TENM2: variants seen among roughly 807,000 people sequenced by gnomAD.
TENM2 encodes the protein teneurin-2.
TENM2 carries 52 observed loss-of-function variants against 245.2 expected under a neutral mutation model. The observed-to-expected ratio is 0.21, with a 90% CI of 0.17 to 0.27. The LOEUF is 0.27. Among genes scored for constraint, TENM2 ranks in the 10% least tolerant of loss-of-function variants. The probability of loss-of-function intolerance (pLI) is 1.00; values close to 1 mark genes in which losing one functional copy is unlikely to be tolerated. For missense variants in TENM2, 3,046 were observed against 3,666.8 expected (o/e 0.83, Z 4.37); for synonymous variants, 1,363 against 1,438.9 (o/e 0.95, Z 1.19).
intron 2 of TENM2, among the ~76,000 whole-genome samples, chr5:167,447,750 A>G (rs572087371): frequency 3.0e-4 from 46 of 152,324 alleles, no homozygotes; most frequent in Non-Finnish European, 4.4e-4. Flanking sequence ...TCTCTACTAA[A>G]CAGTTAATGT....
At chr5:167,280,988 G>A (rs1296739896), upstream of TENM2, among the ~76,000 whole-genome samples, 2 of 151,890 alleles carry the variant, frequency 1.3e-5, no homozygotes, top group Non-Finnish European at 2.9e-5. Context: ...AGGGAAAATA[G>A]GGAAAAGTAT....
At chr5:167,050,086 C>G in the TENM2 span, among the ~76,000 whole-genome samples, 2 of 152,248 alleles carry the variant, frequency 1.3e-5, no homozygotes, top group South Asian at 4.1e-4. Context: ...AACCACCAAC[C>G]TGGCTAGTAC....
At chr5:166,994,034 G>A in the TENM2 span, among the ~76,000 whole-genome samples, 5 of 151,638 alleles carry the variant, frequency 3.3e-5, no homozygotes, top group Non-Finnish European at 7.4e-5. Context: ...CATTATGTCT[G>A]TGTGTACATA....
At chr5:167,699,211 C>G (rs1315437744) in intron 2 of TENM2, among the ~76,000 whole-genome samples, 1 of 151,946 alleles carries the variant, frequency 6.6e-6, no homozygotes, top group Non-Finnish European at 1.5e-5. Flanking sequence ...TATGTCCTGT[C>G]CTTAAAATTA....
chr5:167,949,145 C>T (rs540366839), intron 3 of TENM2, among the ~76,000 whole-genome samples: 4 of 152,100 alleles, frequency 2.6e-5, no homozygotes, highest in East Asian at 1.9e-4. Context: ...TACTATTAGG[C>T]GTCAGTAACA....
intron 1 of TENM2, among the ~76,000 whole-genome samples, chr5:167,290,677 A>G (rs991638078): frequency 1.3e-5 from 2 of 151,876 alleles, no homozygotes; most frequent in Non-Finnish European, 2.9e-5. Flanking sequence ...TTATTTTCCT[A>G]TTTTTAGACA....
At chr5:167,113,592 A>G in the TENM2 span, among the ~76,000 whole-genome samples, 3 of 151,482 alleles carry the variant, frequency 2.0e-5, no homozygotes, top group African/African-American at 7.3e-5. Flanking sequence ...GCTGTGAGCC[A>G]TGATCACACC....
At chr5:167,135,462 T>C in the TENM2 span, among the ~76,000 whole-genome samples, 1 of 152,138 alleles carries the variant, frequency 6.6e-6, no homozygotes, top group Non-Finnish European at 1.5e-5. Flanking sequence ...CTCTACATTC[T>C]TGGCTCTTAA....
At chr5:167,414,889 C>A (rs1763086157) in intron 2 of TENM2, among the ~76,000 whole-genome samples, 1 of 152,026 alleles carries the variant, frequency 6.6e-6, no homozygotes, top group Non-Finnish European at 1.5e-5. Context: ...GTGGAAGAAT[C>A]CGATATTCAA....
the TENM2 span, among the ~76,000 whole-genome samples, chr5:167,098,399 C>T: frequency 1.2e-4 from 19 of 152,228 alleles, no homozygotes; most frequent in African/African-American, 4.3e-4. Flanking sequence ...GTCTTAGACC[C>T]GTTTTAAGCT....
intron 2 of TENM2, among the ~76,000 whole-genome samples, chr5:167,641,079 G>C (rs1243938817): frequency 2.0e-5 from 3 of 150,766 alleles, no homozygotes; most frequent in Non-Finnish European, 4.4e-5. Context: ...AGGGAATTCT[G>C]ATGCCCACTC....
chr5:167,532,709 T>G lies in TENM2; in HGVS notation c.502+157236T>G, dbSNP rs568910414. On this transcript the variant is annotated intron_variant, in intron 2 of 28. Coordinates refer to ENST00000518659, the Ensembl canonical transcript of TENM2. The stretch of plus-strand genomic sequence containing the variant: ...CTATATGTGTATATATACATATCTA[T>G]ATATGTATATATACACACACATATA... 2.9e-5 allele frequency among the ~76,000 whole-genome samples: 4 copies of G among 139,378 alleles called. No individual in the cohort carries two copies. In the East Asian group the frequency reaches 8.6e-4, roughly 30 times the overall value. The allele number at this position is 139,378 out of a possible 152,430, so 91.4% of individuals were successfully genotyped here. A position where few individuals can be genotyped will look rare whatever the true frequency, so the allele number is the denominator to read the frequency against.
intron 4 of TENM2, among the ~76,000 whole-genome samples, chr5:167,956,683 G>T (rs895936854): frequency 7.2e-5 from 11 of 152,112 alleles, no homozygotes; most frequent in Admixed American, 5.9e-4. Flanking sequence ...TAGCATGAAG[G>T]GGTGTTAAAT....
chr5:167,364,133 A>C (rs960558910), intron 1 of TENM2, among the ~76,000 whole-genome samples: 1 of 150,738 alleles, frequency 6.6e-6, no homozygotes, highest in Admixed American at 6.6e-5. Flanking sequence ...AAAAGAATAG[A>C]GTATGGAAGT....
intron 2 of TENM2, among the ~76,000 whole-genome samples, chr5:167,495,798 A>T (rs1176977326): frequency 6.6e-6 from 1 of 152,118 alleles, no homozygotes; most frequent in Non-Finnish European, 1.5e-5. Flanking sequence ...TCATTTTACA[A>T]TTGCAGTCAA....
At chr5:168,178,440 G>A (rs914416659) in intron 13 of TENM2, among the ~76,000 whole-genome samples, 1 of 152,178 alleles carries the variant, frequency 6.6e-6, no homozygotes, top group Non-Finnish European at 1.5e-5. Flanking sequence ...AGTGGTTTTT[G>A]TAACAGCAAA....
At chr5:167,650,031 G>A (rs959661596) in intron 2 of TENM2, among the ~76,000 whole-genome samples, 9 of 152,144 alleles carry the variant, frequency 5.9e-5, no homozygotes. Flanking sequence ...CCTCCACTTT[G>A]GAAGATAGAC....
At chr5:167,277,614 T>G in the TENM2 span, among the ~76,000 whole-genome samples, 1 of 152,312 alleles carries the variant, frequency 6.6e-6, no homozygotes, top group African/African-American at 2.4e-5. Context: ...CTGTAAACGC[T>G]GATTTATCTT....
intron 2 of TENM2, among the ~76,000 whole-genome samples, chr5:167,472,092 A>G (rs1173058438): frequency 1.3e-5 from 2 of 152,034 alleles, no homozygotes; most frequent in African/African-American, 2.4e-5. Flanking sequence ...CCTGTTTTTC[A>G]CTAGTCTCCC....
Sources: allele counts gnomAD v4.1 joint callset (sites outside exome capture counted in the v4.1 genomes callset), GRCh38; gene constraint gnomAD v4.1.1; transcripts MANE v1.5; gene names NCBI Gene and HGNC (gene_info 2026-07-23, HGNC 2026-07-21).